The following OPCML variants were observed in gnomAD, a reference collection of about 807,000 sequenced individuals.
The protein encoded by OPCML is opioid binding protein/cell adhesion molecule like, also known as opioid-binding protein/cell adhesion molecule.
Under a neutral mutation model 37.8 loss-of-function variants are expected in OPCML, and 13 were observed. The observed-to-expected ratio is 0.34, with a 90% CI of 0.22 to 0.55. The LOEUF is 0.55. OPCML is among the 20% of genes least tolerant of loss of function. OPCML has a pLI of 0.91. For synonymous variants in OPCML, 176 were observed against 168.8 expected, an observed-to-expected ratio of 1.04 and a Z score of -0.33; for missense variants, 341 against 435.6, an observed-to-expected ratio of 0.78 and a Z score of 1.93.
chr11:133,279,555 C>T (rs1942083944), intron 1 of OPCML, among the ~76,000 whole-genome samples: 1 of 152,106 alleles, frequency 6.6e-6, no homozygotes, highest in Non-Finnish European at 1.5e-5. Context: ...TGCCAGAGTT[C>T]CCTGCAGCTG....
At chr11:132,722,824 G>A (rs1419064435) in intron 2 of OPCML, among the ~76,000 whole-genome samples, 5 of 152,282 alleles carry the variant, frequency 3.3e-5, no homozygotes, top group East Asian at 1.9e-4. Flanking sequence ...GAAAGGTGAA[G>A]TTTTAACACG....
intron 2 of OPCML, among the ~76,000 whole-genome samples, chr11:132,849,842 A>T (rs555501373): frequency 4.1e-4 from 62 of 152,344 alleles, no homozygotes; most frequent in African/African-American, 1.4e-3. Flanking sequence ...CACACCGGGC[A>T]GGCATTGTGC....
rs541750491 is a variant in OPCML at position 133,177,552 on chromosome 11, G to A, written c.62-234542C>T. Among the ~76,000 whole-genome samples the A allele has an allele frequency of 3.9e-4, 59 of 152,236 alleles. No homozygotes were observed. The highest frequency in any genetic ancestry group is 1.4e-3 in the African/African-American group (59 of 41,526). On this transcript the variant is annotated intron_variant, in intron 1 of 7. Coordinates refer to ENST00000524381, the MANE Select transcript of OPCML (RefSeq NM_001012393.5). The surrounding 1 kb of genome is among the most constrained non-coding windows in gnomAD (Gnocchi z 5.0). Reference sequence around the variant, plus strand: ...CAGACCCTAGCTTTCCCAGGGAAAGGAACTCTAGAATCTAATAGTTGGAGT... The same window carrying A: ...CAGACCCTAGCTTTCCCAGGGAAAGAAACTCTAGAATCTAATAGTTGGAGT...
At chr11:132,528,375 AAC>A (rs2137288449) in intron 4 of OPCML, among the ~76,000 whole-genome samples, 2 of 152,324 alleles carry the variant, frequency 1.3e-5, no homozygotes, top group South Asian at 4.1e-4. Flanking sequence ...AGCTTTTAGT[AAC>A]AGTGTAAATA....
chr11:132,746,000 G>C (rs1042139181), intron 2 of OPCML, among the ~76,000 whole-genome samples: 1 of 152,196 alleles, frequency 6.6e-6, no homozygotes, highest in Admixed American at 6.5e-5. Flanking sequence ...CTGTCCCTGG[G>C]GACAGCTGGA....
At chr11:132,469,640 G>A (rs1451717106) in intron 4 of OPCML, among the ~76,000 whole-genome samples, 1 of 141,260 alleles carries the variant, frequency 7.1e-6, no homozygotes, top group African/African-American at 2.7e-5. Context: ...GTGTGTATGT[G>A]TGTGGGGGTG....
intron 2 of OPCML, among the ~76,000 whole-genome samples, chr11:132,826,124 T>C (rs1460383165): frequency 6.6e-6 from 1 of 152,196 alleles, no homozygotes. Context: ...TGGGTAGTTA[T>C]GGGTTCCACA....
At chr11:133,214,503 C>T (rs1032408931) in intron 1 of OPCML, among the ~76,000 whole-genome samples, 18 of 152,226 alleles carry the variant, frequency 1.2e-4, no homozygotes, top group Admixed American at 3.9e-4. Flanking sequence ...GAAAAAAAGG[C>T]GAACTGTTGT....
chr11:133,499,692 GT>G (rs954393022), intron 1 of OPCML, among the ~76,000 whole-genome samples: 1 of 150,476 alleles, frequency 6.6e-6, no homozygotes, highest in Non-Finnish European at 1.5e-5. Context: ...GTTTGTTGGG[GT>G]TTTTTTTAAA....
intron 1 of OPCML, chr11:133,297,219 G>A (rs912781330): frequency 1.3e-5 from 2 of 152,118 alleles, no homozygotes; most frequent in African/African-American, 4.8e-5. Flanking sequence ...AAGGGATAGA[G>A]AATAAGGTGG....
chr11:133,385,653 A>T (rs1945029606), intron 1 of OPCML, among the ~76,000 whole-genome samples: 1 of 151,852 alleles, frequency 6.6e-6, no homozygotes, highest in African/African-American at 2.4e-5. Context: ...ACTGATGAGG[A>T]AGCTGAAACT....
intron 1 of OPCML, among the ~76,000 whole-genome samples, chr11:133,085,559 A>G (rs1006295897): frequency 2.0e-5 from 3 of 152,348 alleles, no homozygotes; most frequent in Admixed American, 1.3e-4. Context: ...CTTACCTAGC[A>G]ATTAACTAAG....
intron 3 of OPCML, among the ~76,000 whole-genome samples, chr11:132,585,258 G>A (rs1411920722): frequency 6.6e-6 from 1 of 151,940 alleles, no homozygotes; most frequent in Non-Finnish European, 1.5e-5. Context: ...CAGAACAGAG[G>A]GTTTTGCAAG....
chr11:133,405,538 C>A (rs963668870), intron 1 of OPCML, among the ~76,000 whole-genome samples: 2 of 152,180 alleles, frequency 1.3e-5, no homozygotes, highest in Non-Finnish European at 2.9e-5. Flanking sequence ...AGGATACCCT[C>A]GGATAGAAGA....
At chr11:132,528,605 G>A (rs1351142337) in intron 4 of OPCML, among the ~76,000 whole-genome samples, 3 of 152,122 alleles carry the variant, frequency 2.0e-5, no homozygotes, top group South Asian at 2.1e-4. Flanking sequence ...AACTATTTAT[G>A]GACATGTCAG....
rs184568279 is a variant in OPCML at position 132,657,603 on chromosome 11, G to T, written c.147-284C>A. On this transcript the variant is annotated intron_variant, in intron 2 of 7. Coordinates refer to ENST00000524381, the MANE Select transcript of OPCML (RefSeq NM_001012393.5). ...TTCCCTGTTATTTTTTTCCCCATAG[G>T]CTTATATGAAAATCAGTTTATGTTT... Among the ~76,000 whole-genome samples, 465 of 152,168 alleles carry T rather than the reference G, an allele frequency of 3.1e-3. 3 individuals carry two copies. Among genetic ancestry groups the T allele is most frequent in the South Asian group, 5.0e-3 (24 of 4,816 alleles).
intron 1 of OPCML, among the ~76,000 whole-genome samples, chr11:133,201,244 CA>C (rs1687619725): frequency 6.6e-6 from 1 of 151,660 alleles, no homozygotes; most frequent in African/African-American, 2.4e-5. Context: ...ACAATTTAGC[CA>C]CGTAACAAAC....
At chr11:132,452,092 G>A (rs2096069724) in intron 4 of OPCML, among the ~76,000 whole-genome samples, 1 of 152,112 alleles carries the variant, frequency 6.6e-6, no homozygotes, top group Non-Finnish European at 1.5e-5. Flanking sequence ...TAGAAGAATG[G>A]AAGGAATGAG....
Position 132,436,759 on chromosome 11 carries a change from CT to C in OPCML, c.663del (p.Ala222ProfsTer14). ...ITVNYPPYIS[K>X]AKNTGVSVGQ... Reference sequence around the variant, plus strand: ...CCGACTGAAACACCAGTGTTCTTGGCTTTTGAGATATAGGGAGGATCTGTGG... The same window carrying C: ...CCGACTGAAACACCAGTGTTCTTGGCTTTGAGATATAGGGAGGATCTGTGG... On this transcript the variant is annotated frameshift_variant, in exon 6 of 8. Transcript: ENST00000524381. LOFTEE classifies it high-confidence loss of function. 1 of 1,614,096 alleles carries C rather than the reference CT, an allele frequency of 6.2e-7. No individual in the cohort carries two copies. The highest frequency in any genetic ancestry group is 8.5e-7 in the Non-Finnish European group (1 of 1,180,024).
Sources: allele counts gnomAD v4.1 joint callset (sites outside exome capture counted in the v4.1 genomes callset), GRCh38; gene constraint gnomAD v4.1.1; non-coding constraint Gnocchi (gnomAD v3.1); transcripts MANE v1.5; gene names NCBI Gene and HGNC (gene_info 2026-07-23, HGNC 2026-07-21).